MAP9: variants seen among roughly 807,000 people sequenced by gnomAD.
MAP9 encodes the protein microtubule-associated protein 9.
Under a neutral mutation model 75.2 loss-of-function variants are expected in MAP9, and 80 were observed. The observed-to-expected ratio is 1.06, with a 90% CI of 0.89 to 1.28. MAP9 has a LOEUF of 1.28. Among genes scored for constraint, MAP9 ranks in the 50% most tolerant of loss-of-function variants. The probability of loss-of-function intolerance (pLI) is 0.00; values close to 1 mark genes in which losing one functional copy is unlikely to be tolerated. For missense variants in MAP9, 753 were observed against 719.9 expected (o/e 1.05, Z -0.53); for synonymous variants, 235 against 237.3 (o/e 0.99, Z 0.09).
chr4:155,362,085 A>G lies in MAP9; in HGVS notation c.765T>C (p.Ser255=). Residue 255 remains serine (S), a synonymous_variant, in exon 6 of 14, where the codon TCT becomes TCC. Transcript: ENST00000311277. The part of the protein sequence containing the change: ...SSSLKQILGD[S]FSPGSEGNAS... ...CGTTTCCCTCAGATCCTGGTGAAAAAGAATCTCCAAGAATTTGTTTAAGTG... is the reference window on the plus strand; with the variant it reads ...CGTTTCCCTCAGATCCTGGTGAAAAGGAATCTCCAAGAATTTGTTTAAGTG... 1 of 1,598,588 alleles carries G rather than the reference A, an allele frequency of 6.3e-7. No individual in the cohort carries two copies.
intron 7 of MAP9, 56 bp from the exon 8 acceptor site, chr4:155,357,575 CT>C: frequency 1.9e-6 from 2 of 1,037,018 alleles, no homozygotes; most frequent in Non-Finnish European, 3.0e-6. Context: ...CCTTTTTAGG[CT>C]TAGAAGCCAA....
chr4:155,371,349 T>G (rs1189098552), intron 4 of MAP9, among the ~76,000 whole-genome samples: 3 of 152,044 alleles, frequency 2.0e-5, no homozygotes, highest in Non-Finnish European at 2.9e-5. Context: ...CTTTCAAAGA[T>G]AAATCATTCA....
intron 13 of MAP9, among the ~76,000 whole-genome samples, chr4:155,351,664 C>T (rs1731517525): frequency 6.6e-6 from 1 of 151,706 alleles, no homozygotes; most frequent in African/African-American, 2.4e-5. Flanking sequence ...TGTGCAAAGT[C>T]TATGAAATGA....
intron 4 of MAP9, among the ~76,000 whole-genome samples, chr4:155,369,432 A>T (rs1352336180): frequency 2.0e-5 from 3 of 151,416 alleles, no homozygotes; most frequent in Non-Finnish European, 4.4e-5. Flanking sequence ...TAACTCTTCA[A>T]CATTGTGAAC....
chr4:155,369,010 G>A (rs1017977697), intron 4 of MAP9, among the ~76,000 whole-genome samples, 198 bp from the exon 5 acceptor site: 1 of 152,116 alleles, frequency 6.6e-6, no homozygotes, highest in South Asian at 2.1e-4. Flanking sequence ...AATCAGGCCG[G>A]ACGCGGTGGC....
rs754427099 is a variant in MAP9 at position 155,373,294 on chromosome 4, C to G, written c.323G>C (p.Cys108Ser). ...CATTTCCTCTTCATTTTTGATGGCA[C>G]ACACTGGCTCATCTTTGGTTATGTT... Reference protein sequence around the residue: ...NGNITKDEPVCAIKNEEEMAP... With the variant: ...NGNITKDEPVSAIKNEEEMAP... Residue 108 changes from cysteine (C) to serine (S), a missense_variant, in exon 4 of 14, where the codon TGT becomes TCT. Coordinates refer to ENST00000311277, the MANE Select transcript of MAP9 (RefSeq NM_001039580.2). 1 of 1,613,874 alleles carries G rather than the reference C, an allele frequency of 6.2e-7. No homozygotes were observed.
chr4:155,373,239 TACA>T lies in MAP9; in HGVS notation c.375_377del (p.Val126del), dbSNP rs1732683802. Reference sequence around the variant, plus strand: ...TATTTTGAGATTCAGAGAAAGATTTTACAACAATGTCTTCACACCCATCAGGTG... The same window carrying T: ...TATTTTGAGATTCAGAGAAAGATTTTACAATGTCTTCACACCCATCAGGTG... On this transcript the variant is annotated inframe_deletion, in exon 4 of 14. Coordinates refer to ENST00000311277, the MANE Select transcript of MAP9 (RefSeq NM_001039580.2). 4 of 1,612,120 alleles carry T rather than the reference TACA, an allele frequency of 2.5e-6. No individual in the cohort carries two copies. The highest frequency in any genetic ancestry group is 3.4e-6 in the Non-Finnish European group (4 of 1,179,138).
rs1200418570 is a variant in MAP9 at position 155,344,722 on chromosome 4, A to C, written c.*3061T>G. The C allele has an allele frequency of 6.6e-6, 1 of 151,976 alleles. No individual in the cohort carries two copies. The highest frequency in any genetic ancestry group is 2.4e-5 in the African/African-American group (1 of 41,438). The allele number at this position is 151,976 out of a possible 1,614,324, so 9.4% of individuals were successfully genotyped here. On this transcript the variant is annotated 3_prime_UTR_variant, in exon 14 of 14. Coordinates refer to ENST00000311277, the MANE Select transcript of MAP9 (RefSeq NM_001039580.2). ...AAGAAAACTTTAACCTCTTGATCTA[A>C]AATGCCATATTGCATCTTTTAAGTT...
chr4:155,357,354 TA>T, intron 8 of MAP9, 94 bp downstream of exon 8: 1 of 823,616 alleles, frequency 1.2e-6, no homozygotes, highest in Non-Finnish European at 2.1e-6. Context: ...GAAAATACAG[TA>T]ACACCAAATG....
chr4:155,367,075 G>A (rs994587172), intron 5 of MAP9, among the ~76,000 whole-genome samples: 5 of 152,068 alleles, frequency 3.3e-5, no homozygotes, highest in African/African-American at 4.8e-5. Context: ...AGTTTATCCC[G>A]GGAATGCTAG....
chr4:155,355,749 A>G lies in MAP9; in HGVS notation c.1257T>C (p.Asp419=), dbSNP rs749483846. 1.9e-6 allele frequency: 3 copies of G among 1,613,592 alleles called. No homozygotes were observed. Among genetic ancestry groups the G allele is most frequent in the East Asian group, 4.5e-5 (2 of 44,842 alleles). The change falls in exon 9 of 14, where the codon GAT becomes GAC. Residue 419 remains aspartate (D), a synonymous_variant. Coordinates refer to ENST00000311277, the MANE Select transcript of MAP9 (RefSeq NM_001039580.2). The part of the protein sequence containing the change: ...KPSQKQSIEP[D]RADNIRAAVY... ...CAGCTGCCCTTATGTTATCTGCTCT[A>G]TCAGGTTCTATGCTCTGTTTCTGTG...
intron 4 of MAP9, among the ~76,000 whole-genome samples, chr4:155,369,373 CAAAGT>C (rs1337429556): frequency 8.2e-6 from 1 of 122,586 alleles, no homozygotes; most frequent in Non-Finnish European, 1.8e-5. Flanking sequence ...AAAAAAAAAA[CAAAGT>C]AAAGAAACAG....
chr4:155,360,377 T>A lies in MAP9; in HGVS notation c.841A>T (p.Lys281Ter). The change falls in exon 7 of 14, where the codon AAA becomes TAA. Residue 281 changes from lysine (K) to a stop codon, truncating the protein, a stop_gained. Coordinates refer to ENST00000311277, the MANE Select transcript of MAP9 (RefSeq NM_001039580.2). LOFTEE classifies it high-confidence loss of function. Reference protein sequence around the residue: ...EEITENHNSLKSDENKENSFS... With the variant: ...EEITENHNSL ...GAATTCTCTTTATTTTCATCTGATTTCAAGGAATTATGGTTTTCAGTGATT... is the reference window on the plus strand; with the variant it reads ...GAATTCTCTTTATTTTCATCTGATTACAAGGAATTATGGTTTTCAGTGATT... The A allele has an allele frequency of 6.2e-7, 1 of 1,612,380 alleles. No individual in the cohort carries two copies. Among genetic ancestry groups the A allele is most frequent in the African/African-American group, 1.3e-5 (1 of 74,962 alleles).
chr4:155,366,325 C>CT (rs1173600351), intron 5 of MAP9, among the ~76,000 whole-genome samples: 30 of 150,472 alleles, frequency 2.0e-4, no homozygotes, highest in Non-Finnish European at 3.8e-4. Flanking sequence ...CACCACTGCA[C>CT]TCCAGCCTGG....
In MAP9 at chr4:155,357,512, A is replaced by T. The variant is rs1446390799; in HGVS notation, c.1058T>A (p.Ile353Asn). Residue 353 changes from isoleucine (I) to asparagine (N), a missense_variant, in exon 8 of 14, where the codon ATT becomes AAT. Transcript: ENST00000311277. The stretch of plus-strand genomic sequence containing the variant: ...TTTATTCTTTATATTTCTATCTTCA[A>T]TTGTTTTCTATTAAACAGAAAATGC... Reference protein sequence around the residue: ...TSATASSKKTIEDRNIKNKKS... With the variant: ...TSATASSKKTNEDRNIKNKKS... The T allele has an allele frequency of 6.7e-7, 1 of 1,497,740 alleles. No homozygotes were observed. Among genetic ancestry groups the T allele is most frequent in the Admixed American group, 1.7e-5 (1 of 59,418 alleles). 92.8% of individuals were successfully genotyped at this position (1,497,740 alleles called of 1,614,324 possible). A position where few individuals can be genotyped will look rare whatever the true frequency, so the allele number is the denominator to read the frequency against.
At chr4:155,356,140 G>A (rs556139394) in intron 8 of MAP9, among the ~76,000 whole-genome samples, 1 of 152,172 alleles carries the variant, frequency 6.6e-6, no homozygotes, top group South Asian at 2.1e-4. Context: ...GGTGGCACAT[G>A]CCTGTAGTCA....
chr4:155,373,527 A>G, intron 3 of MAP9, 71 bp from the exon 4 acceptor site: 1 of 1,023,292 alleles, frequency 9.8e-7, no homozygotes, highest in Non-Finnish European at 1.4e-6. Flanking sequence ...TAACTTAATC[A>G]AAGTTTACCT....
intron 4 of MAP9, among the ~76,000 whole-genome samples, chr4:155,369,776 A>C (rs577685875): frequency 1.0e-3 from 153 of 152,236 alleles, no homozygotes; most frequent in Non-Finnish European, 1.8e-3. Flanking sequence ...TGAGTCCATA[A>C]AACTTCTTTA....
At chr4:155,367,743 T>G (rs1440802692) in intron 5 of MAP9, among the ~76,000 whole-genome samples, 1 of 152,196 alleles carries the variant, frequency 6.6e-6, no homozygotes, top group Non-Finnish European at 1.5e-5. Context: ...TTCCTAATAC[T>G]TCCAGTCTGA....
Sources: gnomAD v4.1 joint callset for allele counts (sites outside exome capture counted in the v4.1 genomes callset) on GRCh38, gnomAD v4.1.1 for gene constraint, MANE v1.5 for transcripts, NCBI Gene and HGNC (gene_info 2026-07-23, HGNC 2026-07-21) for gene names.